The following USP6NL variants were observed in gnomAD, a reference collection of about 807,000 sequenced individuals.
USP6NL encodes USP6 N-terminal like.
In USP6NL, 26 loss-of-function variants were observed where a neutral mutation model predicts 61.9. That is an observed-to-expected ratio of 0.42 (90% CI 0.31 to 0.58). The LOEUF is 0.58. Ranked by LOEUF, USP6NL falls within the 20% of genes least tolerant of loss-of-function variation. The probability of loss-of-function intolerance (pLI) is 0.16; values close to 1 mark genes in which losing one functional copy is unlikely to be tolerated. For synonymous variants in USP6NL, 432 were observed against 390.1 expected, an observed-to-expected ratio of 1.11 and a Z score of -1.27; for missense variants, 1,114 against 1,034.3, an observed-to-expected ratio of 1.08 and a Z score of -1.06.
In USP6NL at chr10:11,600,025, C is replaced by T. The variant is rs1438561294; in HGVS notation, c.-83-2308G>A. ...TATGGAACAAGGTAGTTGAGCAGCACACAGGAGAAAATGTTTAGACTCCCT... is the reference window on the plus strand; with the variant it reads ...TATGGAACAAGGTAGTTGAGCAGCATACAGGAGAAAATGTTTAGACTCCCT... On this transcript the variant is annotated intron_variant, in intron 1 of 14. Transcript: ENST00000609104. The surrounding 1 kb of genome is among the most constrained non-coding windows in gnomAD (Gnocchi z 4.1). Among the ~76,000 whole-genome samples the T allele has an allele frequency of 6.6e-6, 1 of 152,126 alleles. No homozygotes were observed. The highest frequency in any genetic ancestry group is 1.5e-5 in the Non-Finnish European group (1 of 68,020).
At chr10:11,573,529 T>A (rs1837434774) in intron 2 of USP6NL, 2 of 397,998 alleles carry the variant, frequency 5.0e-6, no homozygotes, top group Admixed American at 8.8e-5. Context: ...CCCCTTTTTA[T>A]AGCACATCCT....
At chr10:11,588,319 G>C (rs145130232) in intron 2 of USP6NL, among the ~76,000 whole-genome samples, 69 of 152,244 alleles carry the variant, frequency 4.5e-4, no homozygotes, top group African/African-American at 1.7e-3. Context: ...CTGGAATAAG[G>C]ATCATATATT....
rs557662058 is a variant in USP6NL at position 11,511,419 on chromosome 10, T to C, written c.196-1744A>G. On this transcript the variant is annotated intron_variant, in intron 5 of 14. Transcript: ENST00000609104. This position sits in a 1 kb window ranked among gnomAD's most constrained non-coding sequence, Gnocchi z 4.9. The stretch of plus-strand genomic sequence containing the variant: ...AAGGCCAAGCTGTGAAAAATTAAGA[T>C]TGATCTAAATTGCCATTTGGTATTT... Among the ~76,000 whole-genome samples, 21 of 152,294 alleles carry C rather than the reference T, an allele frequency of 1.4e-4. No individual in the cohort carries two copies. The highest frequency in any genetic ancestry group is 9.8e-4 in the Admixed American group (15 of 15,298).
intron 13 of USP6NL, among the ~76,000 whole-genome samples, chr10:11,483,543 AGAGG>A (rs1200971210): frequency 3.7e-5 from 2 of 53,340 alleles, no homozygotes; most frequent in Non-Finnish European, 7.3e-5. Flanking sequence ...AGGGAGAGAG[AGAGG>A]GAGGGAGGGA....
chr10:11,493,384 T>C (rs1833783630), intron 7 of USP6NL, among the ~76,000 whole-genome samples, 156 bp from the exon 8 acceptor site: 1 of 152,146 alleles, frequency 6.6e-6, no homozygotes, highest in South Asian at 2.1e-4. Context: ...AGGTACACAA[T>C]AGAAACTTTC....
chr10:11,503,462 T>C (rs1171097123), intron 6 of USP6NL, among the ~76,000 whole-genome samples: 1 of 152,072 alleles, frequency 6.6e-6, no homozygotes, highest in Non-Finnish European at 1.5e-5. Context: ...CATTAAAAAG[T>C]AGGAAATCTG....
At chr10:11,501,666 C>A (rs1196182691) in intron 6 of USP6NL, among the ~76,000 whole-genome samples, 1 of 152,166 alleles carries the variant, frequency 6.6e-6, no homozygotes, top group Non-Finnish European at 1.5e-5. Context: ...AGTGCTGACT[C>A]CTAATCTCTT....
At chr10:11,546,060 C>A (rs1431740317) in intron 2 of USP6NL, among the ~76,000 whole-genome samples, 1 of 152,218 alleles carries the variant, frequency 6.6e-6, no homozygotes, top group Non-Finnish European at 1.5e-5. Flanking sequence ...AGATCCTTTG[C>A]TTTCCAGTAA....
chr10:11,489,862 G>A lies in USP6NL; in HGVS notation c.544-640C>T, dbSNP rs749552716. On this transcript the variant is annotated intron_variant, in intron 9 of 14. Coordinates refer to ENST00000609104, the MANE Select transcript of USP6NL (RefSeq NM_014688.5). The surrounding 1 kb of genome is among the most constrained non-coding windows in gnomAD (Gnocchi z 5.7). Reference sequence around the variant, plus strand: ...CAAAGCCAGAGACTGTAATCAGATGGGGGTACGTACTGGAACAGAATGCTC... The same window carrying A: ...CAAAGCCAGAGACTGTAATCAGATGAGGGTACGTACTGGAACAGAATGCTC... 2.6e-5 allele frequency among the ~76,000 whole-genome samples: 4 copies of A among 152,192 alleles called. No homozygotes were observed. Among genetic ancestry groups the A allele is most frequent in the Admixed American group, 6.5e-5 (1 of 15,282 alleles).
Position 11,560,912 on chromosome 10 carries a change from G to A in USP6NL, c.5-33345C>T, listed in dbSNP as rs181520418. ...CTAGAAGCAGAAAATTAGAAAACAG[G>A]AAAAGAGCTATTAAAAGCAGATACA... On this transcript the variant is annotated intron_variant, in intron 2 of 14. Transcript: ENST00000609104. 1.3e-3 allele frequency among the ~76,000 whole-genome samples: 192 copies of A among 151,864 alleles called. 1 individual carries two copies. Among genetic ancestry groups the A allele is most frequent in the African/African-American group, 4.5e-3 (187 of 41,472 alleles).
chr10:11,609,319 G>A (rs772088151), intron 1 of USP6NL, among the ~76,000 whole-genome samples: 6 of 152,004 alleles, frequency 3.9e-5, no homozygotes, highest in Non-Finnish European at 8.8e-5. Context: ...CATCTGCCTC[G>A]GCCTCCCAAA....
At chr10:11,580,907 G>A (rs537598193) in intron 2 of USP6NL, among the ~76,000 whole-genome samples, 1 of 151,758 alleles carries the variant, frequency 6.6e-6, no homozygotes, top group East Asian at 1.9e-4. Context: ...ATGGATGGAT[G>A]GGGGAGGCAC....
At position 11,520,944 on chromosome 10, in the gene USP6NL, T is replaced by C. The variant is rs1218022115; in HGVS notation, c.156-2370A>G. Among the ~76,000 whole-genome samples, 2 of 152,172 alleles carry C rather than the reference T, an allele frequency of 1.3e-5. No individual in the cohort carries two copies. Among genetic ancestry groups the C allele is most frequent in the Non-Finnish European group, 2.9e-5 (2 of 68,036 alleles). On this transcript the variant is annotated intron_variant, in intron 4 of 14. Coordinates refer to ENST00000609104, the MANE Select transcript of USP6NL (RefSeq NM_014688.5). This position sits in a 1 kb window ranked among gnomAD's most constrained non-coding sequence, Gnocchi z 5.2. ...CTGCTTTAAGAAAACACCAAGCTGATAGCAAGTACCTATATCTCACAGAAA... is the reference window on the plus strand; with the variant it reads ...CTGCTTTAAGAAAACACCAAGCTGACAGCAAGTACCTATATCTCACAGAAA...
chr10:11,517,325 T>C (rs1834998800), intron 5 of USP6NL, among the ~76,000 whole-genome samples: 1 of 152,202 alleles, frequency 6.6e-6, no homozygotes, highest in Non-Finnish European at 1.5e-5. Context: ...CTATTACTCA[T>C]TATTTCCTTC....
At position 11,514,595 on chromosome 10, in the gene USP6NL, C is replaced by A. The variant is rs139027929; in HGVS notation, c.195+3940G>T. On this transcript the variant is annotated intron_variant, in intron 5 of 14. Coordinates refer to ENST00000609104, the MANE Select transcript of USP6NL (RefSeq NM_014688.5). ...CCTTCAAATTTGTCCTTTTGATATG[C>A]CCTATTTGTCTTTTACCATTTCTTA... Among the ~76,000 whole-genome samples the A allele has an allele frequency of 9.0e-3, 1,374 of 152,126 alleles. 24 individuals carry two copies. Among genetic ancestry groups the A allele is most frequent in the African/African-American group, 0.031 (1,280 of 41,508 alleles).
chr10:11,476,982 C>T lies in USP6NL; in HGVS notation c.1078+4788G>A, dbSNP rs1401642387. Among the ~76,000 whole-genome samples, 2 of 152,232 alleles carry T rather than the reference C, an allele frequency of 1.3e-5. No individual in the cohort carries two copies. Among genetic ancestry groups the T allele is most frequent in the African/African-American group, 4.8e-5 (2 of 41,462 alleles). ...CGCCTCCCAGGTTCAAGCAATCCTC[C>T]TGCCTCAGCCTCCCGAGTAGTTGGG... On this transcript the variant is annotated intron_variant, in intron 14 of 14. Coordinates refer to ENST00000609104, the MANE Select transcript of USP6NL (RefSeq NM_014688.5). The surrounding 1 kb of genome is among the most constrained non-coding windows in gnomAD (Gnocchi z 4.3).
chr10:11,565,188 C>T (rs1165766508), intron 2 of USP6NL: 1 of 152,126 alleles, frequency 6.6e-6, no homozygotes, highest in Non-Finnish European at 1.5e-5. Flanking sequence ...TTAAGTGATA[C>T]TTTTTCTTTT....
chr10:11,563,028 C>T (rs914814733), intron 2 of USP6NL, among the ~76,000 whole-genome samples: 2 of 151,734 alleles, frequency 1.3e-5, no homozygotes, highest in Non-Finnish European at 2.9e-5. Flanking sequence ...AAATAAAAAA[C>T]TTGAAACAAT....
rs1444639740 is a variant in USP6NL at position 11,548,869 on chromosome 10, C to CA, written c.5-21303dup. The stretch of plus-strand genomic sequence containing the variant: ...CTTTAGGTTGCCTGTTAAGTAATAA[C>CA]AAAAAAAGGAAGTTGTATTAGTGCT... On this transcript the variant is annotated intron_variant, in intron 2 of 14. Coordinates refer to ENST00000609104, the MANE Select transcript of USP6NL (RefSeq NM_014688.5). This position sits in a 1 kb window ranked among gnomAD's most constrained non-coding sequence, Gnocchi z 4.3. Among the ~76,000 whole-genome samples, 6 of 151,828 alleles carry CA rather than the reference C, an allele frequency of 4.0e-5. No homozygotes were observed. Among genetic ancestry groups the CA allele is most frequent in the Non-Finnish European group, 1.5e-5 (1 of 67,870 alleles).
Sources: gnomAD v4.1 joint callset for allele counts (sites outside exome capture counted in the v4.1 genomes callset) on GRCh38, gnomAD v4.1.1 for gene constraint, Gnocchi (gnomAD v3.1) non-coding constraint, MANE v1.5 for transcripts, NCBI Gene and HGNC (gene_info 2026-07-23, HGNC 2026-07-21) for gene names.